FRY: variants seen among roughly 807,000 people sequenced by gnomAD.
The protein encoded by FRY is FRY microtubule binding protein.
In FRY, 128 loss-of-function variants were observed where a neutral mutation model predicts 348.4. That is an observed-to-expected ratio of 0.37 (90% CI 0.32 to 0.43). The LOEUF is 0.43. Ranked by LOEUF, FRY falls within the 20% of genes least tolerant of loss-of-function variation. The pLI is 1.00. For missense variants in FRY, 2,736 were observed against 3,695.2 expected, an observed-to-expected ratio of 0.74 and a Z score of 6.73; for synonymous variants, 1,370 against 1,374.7, an observed-to-expected ratio of 1.00 and a Z score of 0.08.
chr13:32,209,495 G>A (rs1466370416), intron 32 of FRY, 90 bp from the exon 33 acceptor site: 9 of 1,238,074 alleles, frequency 7.3e-6, no homozygotes, highest in South Asian at 6.0e-5. Context: ...ATTTTGAGAC[G>A]GTCATGACCC....
chr13:32,209,776 C>T, intron 33 of FRY, 45 bp downstream of exon 33: 1 of 1,585,660 alleles, frequency 6.3e-7, no homozygotes, highest in Non-Finnish European at 8.7e-7. Context: ...CCTGCAGGGA[C>T]TCCCATGTGC....
chr13:32,275,006 C>A lies in FRY; in HGVS notation c.8286+15C>A. 6.2e-7 allele frequency: 1 copy of A among 1,610,044 alleles called. No homozygotes were observed. The highest frequency in any genetic ancestry group is 1.1e-5 in the South Asian group (1 of 90,990). On this transcript the variant is annotated intron_variant, in intron 56 of 60. Coordinates refer to ENST00000542859, the MANE Select transcript of FRY (RefSeq NM_023037.3). ...ATGCCGAGACTGTGAGTATCCCAGT[C>A]CTGCTCTGACAGTGAAGGGCCTACG...
intron 40 of FRY, 123 bp downstream of exon 40, chr13:32,228,777 C>G (rs760981839): frequency 2.5e-6 from 2 of 808,808 alleles, no homozygotes; most frequent in Non-Finnish European, 4.3e-6. Context: ...TTTCTCTTCT[C>G]AATTGCAACT....
At chr13:32,189,128 A>AT (rs1883191049) in intron 28 of FRY, among the ~76,000 whole-genome samples, 1 of 152,074 alleles carries the variant, frequency 6.6e-6, no homozygotes, top group Non-Finnish European at 1.5e-5. Context: ...TGCCCCATAC[A>AT]TTTTTTTAAA....
At chr13:32,284,118 T>G (rs929655530) in intron 58 of FRY, among the ~76,000 whole-genome samples, 1 of 152,236 alleles carries the variant, frequency 6.6e-6, no homozygotes, top group Non-Finnish European at 1.5e-5. Context: ...TTCCATATGA[T>G]GTATTGTTGA....
intron 2 of FRY, among the ~76,000 whole-genome samples, chr13:32,097,835 GATA>G (rs1373644844): frequency 2.0e-5 from 3 of 151,972 alleles, no homozygotes; most frequent in Non-Finnish European, 2.9e-5. Flanking sequence ...TCATAAAATA[GATA>G]ATGATAATGT....
intron 1 of FRY, among the ~76,000 whole-genome samples, chr13:32,061,546 T>C (rs982805102): frequency 6.6e-6 from 1 of 152,234 alleles, no homozygotes; most frequent in Non-Finnish European, 1.5e-5. Flanking sequence ...AATATTATAG[T>C]AGAAGTAGGA....
At chr13:32,099,022 T>TGGG (rs1371164901) in intron 2 of FRY, among the ~76,000 whole-genome samples, 1 of 151,646 alleles carries the variant, frequency 6.6e-6, no homozygotes, top group African/African-American at 2.4e-5. Context: ...GGGGCAGGGG[T>TGGG]GGGGCTTGTA....
chr13:32,124,552 T>A (rs761176401), intron 5 of FRY, 50 bp from the exon 6 acceptor site: 1 of 1,105,030 alleles, frequency 9.0e-7, no homozygotes, highest in Non-Finnish European at 1.4e-6. Flanking sequence ...ACTGTACCGA[T>A]TTGTTCTTTA....
chr13:32,234,352 G>A (rs1886099952), intron 41 of FRY, among the ~76,000 whole-genome samples: 2 of 152,092 alleles, frequency 1.3e-5, no homozygotes, highest in South Asian at 4.2e-4. Context: ...GAGCCCAGGA[G>A]GTAGAGGCTG....
In FRY at chr13:32,124,698, C is replaced by T. The variant is rs1192397747; in HGVS notation, c.635+17C>T. ...CAAAGAAGGGTAAGATGATTTCTCA[C>T]CTTAGAATGTTGAAGTTGGTGTTTA... On this transcript the variant is annotated intron_variant, in intron 6 of 60. Transcript: ENST00000542859. 6.5e-6 allele frequency: 10 copies of T among 1,532,774 alleles called. No homozygotes were observed. Among genetic ancestry groups the T allele is most frequent in the Non-Finnish European group, 8.1e-6 (9 of 1,106,036 alleles). 94.9% of individuals were successfully genotyped at this position (1,532,774 alleles called of 1,614,324 possible).
chr13:32,227,950 C>A (rs902584356), intron 39 of FRY, among the ~76,000 whole-genome samples: 5 of 152,150 alleles, frequency 3.3e-5, no homozygotes, highest in African/African-American at 1.2e-4. Flanking sequence ...CAGGGTTTCA[C>A]CATGCTAGCC....
chr13:32,246,590 G>C (rs914542587), intron 47 of FRY, among the ~76,000 whole-genome samples: 1 of 152,244 alleles, frequency 6.6e-6, no homozygotes, highest in Non-Finnish European at 1.5e-5. Flanking sequence ...ACCAGAGGGA[G>C]TCTGTGAAGG....
chr13:32,198,916 A>G (rs1307951755), intron 29 of FRY, among the ~76,000 whole-genome samples: 1 of 152,212 alleles, frequency 6.6e-6, no homozygotes, highest in African/African-American at 2.4e-5. Context: ...TTGACCCTGC[A>G]TGACCTCTCT....
chr13:32,246,027 G>T (rs1309066501), intron 47 of FRY, among the ~76,000 whole-genome samples: 5 of 152,194 alleles, frequency 3.3e-5, no homozygotes, highest in Admixed American at 6.5e-5. Flanking sequence ...ACACCACATA[G>T]GGTAGGCAGT....
At chr13:32,170,366 G>T (rs553698564) in intron 17 of FRY, among the ~76,000 whole-genome samples, 1 of 152,280 alleles carries the variant, frequency 6.6e-6, no homozygotes, top group East Asian at 1.9e-4. Flanking sequence ...TGAAATCTGA[G>T]TAAAGTAGTT....
Position 32,117,468 on chromosome 13 carries a change from A to G in FRY, c.459A>G (p.Ser153=). The G allele has an allele frequency of 1.9e-6, 3 of 1,613,462 alleles. No individual in the cohort carries two copies. The highest frequency in any genetic ancestry group is 2.5e-6 in the Non-Finnish European group (3 of 1,179,438). Residue 153 remains serine (S), a synonymous_variant, in exon 4 of 61, where the codon TCA becomes TCG. Transcript: ENST00000542859. Reference sequence around the variant, plus strand: ...ACAGACCAAGAACAAGCAATAAATCAAAAAGGTACATTTCTTTTGTGTAAG... The same window carrying G: ...ACAGACCAAGAACAAGCAATAAATCGAAAAGGTACATTTCTTTTGTGTAAG... The part of the protein sequence containing the change: ...HEYRPRTSNK[S]KSDEQQRDYL...
At chr13:32,274,367 A>T (rs1002438026) in intron 55 of FRY, among the ~76,000 whole-genome samples, 1 of 152,208 alleles carries the variant, frequency 6.6e-6, no homozygotes, top group African/African-American at 2.4e-5. Flanking sequence ...CACATATTTT[A>T]AAACAACATG....
chr13:32,248,560 T>C (rs978855716), intron 48 of FRY, among the ~76,000 whole-genome samples: 1 of 152,112 alleles, frequency 6.6e-6, no homozygotes, highest in African/African-American at 2.4e-5. Context: ...CCTGGTGTGC[T>C]TATATGGAAC....
Sources: allele counts gnomAD v4.1 joint callset (sites outside exome capture counted in the v4.1 genomes callset), GRCh38; gene constraint gnomAD v4.1.1; transcripts MANE v1.5; gene names NCBI Gene and HGNC (gene_info 2026-07-23, HGNC 2026-07-21).